The following ME3 variants were observed in gnomAD, a reference collection of about 807,000 sequenced individuals.
ME3 encodes NADP-dependent malic enzyme, mitochondrial.
A neutral mutation model predicts 68.9 loss-of-function variants in ME3; 48 were observed. The observed-to-expected ratio is 0.70, with a 90% CI of 0.55 to 0.89. ME3 has a LOEUF of 0.89. Among genes scored for constraint, ME3 ranks in the 40% least tolerant of loss-of-function variants. The probability of loss-of-function intolerance (pLI) is 0.00; values close to 1 mark genes in which losing one functional copy is unlikely to be tolerated. For synonymous variants in ME3, 320 were observed against 318.8 expected (o/e 1.00, Z -0.04); for missense variants, 675 against 797.4 (o/e 0.85, Z 1.85).
chr11:86,559,863 T>C (rs760352215), intron 2 of ME3, 40 bp from the exon 3 acceptor site: 2 of 1,599,392 alleles, frequency 1.3e-6, no homozygotes, highest in Non-Finnish European at 1.7e-6. Flanking sequence ...CATAAGTGCA[T>C]ACTCAGGAGA....
intron 4 of ME3, among the ~76,000 whole-genome samples, chr11:86,514,701 G>A (rs1953766152): frequency 6.6e-6 from 1 of 152,172 alleles, no homozygotes; most frequent in African/African-American, 2.4e-5. Flanking sequence ...AGTTCCTCAT[G>A]TGTAAAATGG....
chr11:86,569,386 T>C (rs568036490), intron 2 of ME3, among the ~76,000 whole-genome samples: 25 of 152,176 alleles, frequency 1.6e-4, no homozygotes, highest in Non-Finnish European at 2.8e-4. Context: ...TCTGACCCCT[T>C]CCTCCTCCCC....
rs1009850663 is a variant in ME3 at position 86,494,993 on chromosome 11, AT to A, written c.705+2969del. Among the ~76,000 whole-genome samples the A allele has an allele frequency of 1.1e-4, 17 of 152,320 alleles. 2 individuals are homozygous for A. The highest frequency in any genetic ancestry group is 5.2e-4 in the Admixed American group (8 of 15,302). On this transcript the variant is annotated intron_variant, in intron 6 of 14. Coordinates refer to ENST00000543262, the Ensembl canonical transcript of ME3. ...AATGCAACATTGTGGGAGAAATACC[AT>A]TTCCTTTTTCTTTAAAATTTTGAAT... is the stretch of plus-strand genomic sequence containing the variant.
Position 86,527,613 on chromosome 11 carries a change from T to C in ME3, c.468-18746A>G, listed in dbSNP as rs575562888. On this transcript the variant is annotated intron_variant, in intron 4 of 14. Coordinates refer to ENST00000543262, the Ensembl canonical transcript of ME3. ...GTTGAGGGCAGCCAGAGAGAAAGGT[T>C]GGGTTACCCACAAAGGGAAGCCCAT... Among the ~76,000 whole-genome samples, 197 of 152,270 alleles carry C rather than the reference T, an allele frequency of 1.3e-3. No homozygotes were observed. In the Middle Eastern group the frequency reaches 0.014, roughly 11 times the overall value.
At chr11:86,458,964 T>C (rs1396986171) in intron 8 of ME3, among the ~76,000 whole-genome samples, 1 of 152,236 alleles carries the variant, frequency 6.6e-6, no homozygotes. Context: ...ATTTCTTGGC[T>C]GAGAACCCTA....
At chr11:86,548,802 A>T (rs1402234655) in intron 4 of ME3, among the ~76,000 whole-genome samples, 1 of 152,162 alleles carries the variant, frequency 6.6e-6, no homozygotes, top group Admixed American at 6.5e-5. Context: ...TCACGCTACT[A>T]GTTCATGACA....
At chr11:86,524,259 A>G (rs1202867662) in intron 4 of ME3, among the ~76,000 whole-genome samples, 1 of 152,254 alleles carries the variant, frequency 6.6e-6, no homozygotes, top group African/African-American at 2.4e-5. Context: ...TCCAAAGCAA[A>G]TAATCATCAA....
At chr11:86,655,949 G>C (rs1389787357) in intron 2 of ME3, among the ~76,000 whole-genome samples, 1 of 151,988 alleles carries the variant, frequency 6.6e-6, no homozygotes, top group East Asian at 1.9e-4. Context: ...GACATGAACA[G>C]ACACTTCTCA....
chr11:86,605,000 TC>T (rs1311801771), intron 2 of ME3, among the ~76,000 whole-genome samples: 1 of 152,212 alleles, frequency 6.6e-6, no homozygotes, highest in African/African-American at 2.4e-5. Flanking sequence ...AAGCAGTTGC[TC>T]CCCATTTCTC....
chr11:86,652,573 C>G (rs1306365645), intron 2 of ME3, among the ~76,000 whole-genome samples: 1 of 152,026 alleles, frequency 6.6e-6, no homozygotes, highest in Non-Finnish European at 1.5e-5. Context: ...CAGGCCTGCC[C>G]TAAAAGAGCT....
chr11:86,483,529 G>A (rs1951528028), intron 7 of ME3, among the ~76,000 whole-genome samples: 2 of 151,962 alleles, frequency 1.3e-5, no homozygotes, highest in South Asian at 4.2e-4. Flanking sequence ...TTATGGTGAG[G>A]GGAAAGAGAG....
chr11:86,634,492 G>C (rs1944211243), intron 2 of ME3, among the ~76,000 whole-genome samples: 1 of 152,142 alleles, frequency 6.6e-6, no homozygotes, highest in Non-Finnish European at 1.5e-5. Context: ...CTGTCGCTCA[G>C]CTTACCTGTG....
At chr11:86,596,324 G>A (rs953266200) in intron 2 of ME3, among the ~76,000 whole-genome samples, 1 of 152,130 alleles carries the variant, frequency 6.6e-6, no homozygotes, top group African/African-American at 2.4e-5. Flanking sequence ...TGAAAAAAAT[G>A]GGCAGAATGT....
intron 2 of ME3, among the ~76,000 whole-genome samples, chr11:86,635,192 G>GA (rs1944258712): frequency 6.6e-6 from 1 of 152,228 alleles, no homozygotes; most frequent in Admixed American, 6.5e-5. Flanking sequence ...TCAGGAGGCT[G>GA]AAGTGGGAGG....
intron 8 of ME3, among the ~76,000 whole-genome samples, chr11:86,458,340 A>C (rs1317254195): frequency 6.6e-6 from 1 of 152,232 alleles, no homozygotes; most frequent in Non-Finnish European, 1.5e-5. Context: ...TTTCTACATT[A>C]CTTCAGTGCA....
intron 2 of ME3, among the ~76,000 whole-genome samples, chr11:86,657,399 A>G (rs1263736465): frequency 2.0e-5 from 3 of 150,920 alleles, no homozygotes; most frequent in East Asian, 3.9e-4. Flanking sequence ...GTTCTCATTC[A>G]TAAGTGGGAG....
intron 4 of ME3, among the ~76,000 whole-genome samples, chr11:86,546,025 C>G (rs192178275): frequency 1.6e-4 from 25 of 152,176 alleles, no homozygotes; most frequent in African/African-American, 5.5e-4. Flanking sequence ...CTACAACCAT[C>G]TTGATCTTTG....
At chr11:86,547,070 C>T (rs1277591121) in intron 4 of ME3, among the ~76,000 whole-genome samples, 2 of 151,866 alleles carry the variant, frequency 1.3e-5, no homozygotes, top group Non-Finnish European at 2.9e-5. Context: ...AACCCCATCT[C>T]TACTAAAAAT....
intron 2 of ME3, among the ~76,000 whole-genome samples, chr11:86,560,170 G>A (rs1014238959): frequency 1.3e-5 from 2 of 152,074 alleles, no homozygotes; most frequent in Non-Finnish European, 2.9e-5. Flanking sequence ...CAAATCCATA[G>A]TCCCCATGTG....
Sources: gnomAD v4.1 joint callset for allele counts (sites outside exome capture counted in the v4.1 genomes callset) on GRCh38, gnomAD v4.1.1 for gene constraint, MANE v1.5 for transcripts, NCBI Gene and HGNC (gene_info 2026-07-23, HGNC 2026-07-21) for gene names.